The following RAF1 variants were observed in gnomAD, a reference collection of about 807,000 sequenced individuals.
RAF1 encodes RAF proto-oncogene serine/threonine-protein kinase.
A neutral mutation model predicts 81.1 loss-of-function variants in RAF1; 27 were observed. That is an observed-to-expected ratio of 0.33 (90% CI 0.25 to 0.46). The LOEUF (loss-of-function observed/expected upper bound fraction) is 0.46. RAF1 is among the 20% of genes least tolerant of loss of function. The pLI, the probability that RAF1 is intolerant of heterozygous loss-of-function variation, is 1.00. For synonymous variants in RAF1, 298 were observed against 294.0 expected (o/e 1.01, Z -0.14); for missense variants, 598 against 826.0 (o/e 0.72, Z 3.38).
intron 8 of RAF1, 82 bp from the exon 8 acceptor site, chr3:12,600,497 G>A: frequency 2.7e-6 from 4 of 1,461,488 alleles, no homozygotes; most frequent in Non-Finnish European, 3.8e-6. Flanking sequence ...AGGAGGATGT[G>A]CAAGAACAAA....
At chr3:12,604,764 C>A (rs1316583505) in intron 6 of RAF1, among the ~76,000 whole-genome samples, 1 of 152,180 alleles carries the variant, frequency 6.6e-6, no homozygotes, top group African/African-American at 2.4e-5. Flanking sequence ...TTACCTGCTA[C>A]AACCAGCAAA....
At chr3:12,600,514 T>A in intron 8 of RAF1, 99 bp from the exon 8 acceptor site, 1 of 1,314,838 alleles carries the variant, frequency 7.6e-7, no homozygotes, top group Non-Finnish European at 1.1e-6. Flanking sequence ...CAAAATAGAT[T>A]ATAAAAACCT....
chr3:12,643,659 C>A (rs1309304230), intron 1 of RAF1, among the ~76,000 whole-genome samples: 2 of 151,910 alleles, frequency 1.3e-5, no homozygotes, highest in Non-Finnish European at 2.9e-5. Context: ...TCGCTTGAAC[C>A]CGGAAGGCAG....
chr3:12,589,004 TCAC>T (rs979872683), intron 13 of RAF1: 3 of 154,244 alleles, frequency 1.9e-5, no homozygotes, highest in Admixed American at 6.6e-5. Context: ...CTCCTTTCTC[TCAC>T]CACATCACAC....
At chr3:12,660,881 A>C (rs1478876872) in intron 1 of RAF1, among the ~76,000 whole-genome samples, 1 of 152,174 alleles carries the variant, frequency 6.6e-6, no homozygotes, top group Admixed American at 6.6e-5. Flanking sequence ...AGGCTGAGGC[A>C]GGAGAATGCT....
Position 12,584,573 on chromosome 3 carries a change from G to A in RAF1, c.1948C>T (p.His650Tyr), listed in dbSNP as rs539938372. The A allele has an allele frequency of 6.2e-7, 1 of 1,614,178 alleles. No individual in the cohort carries two copies. Among genetic ancestry groups the A allele is most frequent in the Non-Finnish European group, 8.5e-7 (1 of 1,180,042 alleles). The change falls in exon 18 of 18, where the codon CAC becomes TAC. Residue 650 changes from histidine (H) to tyrosine (Y), a missense_variant. By Grantham distance (83) the His-to-Tyr change is moderately conservative. Around this residue, in one of 5 missense-constraint regions of RAF1, gnomAD observed 147 missense variants for 196.1 expected, o/e 0.75. Transcript: ENST00000442415. ...GTGCAAGCATTGATATCCTCAGTGT[G>A]GGCTGCCCGATGCAAGGATGGCTCG...
intron 11 of RAF1, among the ~76,000 whole-genome samples, chr3:12,592,381 T>C (rs889812566): frequency 1.3e-5 from 2 of 152,220 alleles, no homozygotes; most frequent in East Asian, 1.9e-4. Flanking sequence ...GAGATATATA[T>C]TGAAATTAAG....
intron 1 of RAF1, among the ~76,000 whole-genome samples, chr3:12,648,319 T>G (rs867945875): frequency 2.5e-4 from 35 of 141,950 alleles, no homozygotes; most frequent in African/African-American, 8.6e-4. Flanking sequence ...CATAATGAAG[T>G]AGGAAGGAAG....
At chr3:12,590,516 G>T in intron 13 of RAF1, 1 of 434,602 alleles carries the variant, frequency 2.3e-6, no homozygotes, top group Non-Finnish European at 4.3e-6. Flanking sequence ...GTAGAAACAG[G>T]GTTTTGCCAT....
rs780550449 is a variant in RAF1 at position 12,618,699 on chromosome 3, C to G, written c.23G>C (p.Trp8Ser). 3 of 1,614,068 alleles carry G rather than the reference C, an allele frequency of 1.9e-6. No homozygotes were observed. Among genetic ancestry groups the G allele is most frequent in the African/African-American group, 2.7e-5 (2 of 74,934 alleles). Residue 8 changes from tryptophan to serine, a missense_variant, in exon 2 of 18, where the codon TGG (tryptophan) becomes TCG (serine). Physicochemically the swap from Trp to Ser is radical, Grantham distance 177 (BLOSUM62 -3). This residue lies in a region of RAF1 where 83 missense variants were observed against 72.3 expected (regional missense o/e 1.15). Coordinates refer to ENST00000442415, the MANE Select transcript of RAF1 (RefSeq NM_001354689.3). Reference sequence around the variant, plus strand: ...TCCAAAACCATTGCTGATCGTCTTCCAAGCTCCCTGTATGTGCTCCATTGA... The same window carrying G: ...TCCAAAACCATTGCTGATCGTCTTCGAAGCTCCCTGTATGTGCTCCATTGA...
intron 1 of RAF1, among the ~76,000 whole-genome samples, chr3:12,630,637 G>T (rs2059833223): frequency 6.6e-6 from 1 of 152,090 alleles, no homozygotes; most frequent in Admixed American, 6.6e-5. Context: ...CTTTGTACAA[G>T]GAATGGTAAA....
intron 1 of RAF1, among the ~76,000 whole-genome samples, chr3:12,663,502 C>A (rs2060948661): frequency 6.6e-6 from 1 of 152,218 alleles, no homozygotes; most frequent in Non-Finnish European, 1.5e-5. Flanking sequence ...AGATATGGGG[C>A]AGCTCTGGGC....
chr3:12,585,115 G>C lies in RAF1; in HGVS notation c.1728+7C>G, dbSNP rs2125321452. 1 of 1,614,166 alleles carries C rather than the reference G, an allele frequency of 6.2e-7. No homozygotes were observed. The highest frequency in any genetic ancestry group is 8.5e-7 in the Non-Finnish European group (1 of 1,180,032). On this transcript the variant is annotated splice_region_variant and intron_variant, in intron 16 of 17. Coordinates refer to ENST00000442415, the MANE Select transcript of RAF1 (RefSeq NM_001354689.3). Reference sequence around the variant, plus strand: ...AGTTGGGTCCTTTCGCACCAGCACAGACTTACCTGATCTCGGTTGTTGATG... The same window carrying C: ...AGTTGGGTCCTTTCGCACCAGCACACACTTACCTGATCTCGGTTGTTGATG...
intron 14 of RAF1, chr3:12,587,296 T>C: frequency 2.1e-6 from 1 of 476,432 alleles, no homozygotes; most frequent in Non-Finnish European, 3.8e-6. Context: ...ACTAATAGTG[T>C]GATAAAATTA....
chr3:12,593,530 G>A (rs956766178), intron 11 of RAF1, among the ~76,000 whole-genome samples: 4 of 152,168 alleles, frequency 2.6e-5, no homozygotes, highest in Admixed American at 2.6e-4. Context: ...CTCTCATCCA[G>A]TTAACCTGCA....
intron 11 of RAF1, among the ~76,000 whole-genome samples, chr3:12,598,830 T>C (rs1176647527): frequency 2.6e-5 from 4 of 152,008 alleles, no homozygotes; most frequent in Non-Finnish European, 5.9e-5. Flanking sequence ...TTTGATGCTT[T>C]TAACTTCTCT....
intron 1 of RAF1, among the ~76,000 whole-genome samples, chr3:12,655,176 G>C (rs552415102): frequency 1.3e-5 from 2 of 152,262 alleles, no homozygotes; most frequent in Admixed American, 6.5e-5. Context: ...TCTGCCTCCC[G>C]AGTTCAAGCG....
intron 5 of RAF1, among the ~76,000 whole-genome samples, chr3:12,607,571 C>A (rs2059073256): frequency 6.6e-6 from 1 of 152,108 alleles, no homozygotes; most frequent in Non-Finnish European, 1.5e-5. Flanking sequence ...TTACTTGAAC[C>A]CGAGAGGTCG....
intron 13 of RAF1, 70 bp from the exon 13 acceptor site, chr3:12,587,707 G>A (rs769520830): frequency 2.1e-5 from 28 of 1,328,880 alleles, no homozygotes; most frequent in Admixed American, 6.7e-5. Flanking sequence ...TTAAACTACA[G>A]CTAAGAAGTA....
Sources: gnomAD v4.1 joint callset for allele counts (sites outside exome capture counted in the v4.1 genomes callset) on GRCh38, gnomAD v4.1.1 for gene constraint, gnomAD v4.1.1 regional missense constraint, MANE v1.5 for transcripts, NCBI Gene and HGNC (gene_info 2026-07-23, HGNC 2026-07-21) for gene names.